MACROD2: variants seen among roughly 807,000 people sequenced by gnomAD.
The protein encoded by MACROD2 is mono-ADP ribosylhydrolase 2.
A neutral mutation model predicts 70.4 loss-of-function variants in MACROD2; 36 were observed. The ratio of observed to expected loss-of-function variants is 0.51; its 90% confidence interval spans 0.39 to 0.68. The LOEUF is 0.68. Among genes scored for constraint, MACROD2 ranks in the 30% least tolerant of loss-of-function variants. MACROD2 has a pLI of 0.00. For missense variants in MACROD2, 496 were observed against 538.4 expected (o/e 0.92, Z 0.78); for synonymous variants, 172 against 178.8 (o/e 0.96, Z 0.30).
chr20:15,135,974 G>C (rs2123290575), intron 5 of MACROD2, among the ~76,000 whole-genome samples: 1 of 149,068 alleles, frequency 6.7e-6, no homozygotes, highest in East Asian at 2.0e-4. Flanking sequence ...GCTTCAAAGA[G>C]AATAACATAC....
At chr20:15,944,468 A>C (rs2065793853) in intron 12 of MACROD2, among the ~76,000 whole-genome samples, 2 of 152,108 alleles carry the variant, frequency 1.3e-5, no homozygotes, top group Non-Finnish European at 2.9e-5. Flanking sequence ...TCTTTCAAAT[A>C]TAACAGTACA....
At chr20:15,453,344 C>A (rs1205702648) in intron 7 of MACROD2, among the ~76,000 whole-genome samples, 3 of 152,094 alleles carry the variant, frequency 2.0e-5, no homozygotes, top group African/African-American at 7.2e-5. Flanking sequence ...CCTCCCTCCC[C>A]CTCCAACCTC....
chr20:15,716,306 T>C (rs2050706650), intron 8 of MACROD2, among the ~76,000 whole-genome samples: 1 of 152,220 alleles, frequency 6.6e-6, no homozygotes, highest in Non-Finnish European at 1.5e-5. Flanking sequence ...TTTTATTCTG[T>C]AGTAAATGTC....
At chr20:14,539,701 T>C (rs1428759321) in intron 4 of MACROD2, among the ~76,000 whole-genome samples, 40 of 152,242 alleles carry the variant, frequency 2.6e-4, no homozygotes, top group Admixed American at 2.6e-3. Context: ...ATAAATCCTC[T>C]ATTTTTGATA....
intron 6 of MACROD2, among the ~76,000 whole-genome samples, chr20:15,389,575 A>G (rs2045765023): frequency 6.6e-6 from 1 of 152,238 alleles, no homozygotes; most frequent in Non-Finnish European, 1.5e-5. Context: ...AAATATGTTA[A>G]TATTTTTAAT....
intron 8 of MACROD2, among the ~76,000 whole-genome samples, chr20:15,519,113 TCC>T (rs1237482840): frequency 1.0e-4 from 15 of 143,778 alleles, no homozygotes; most frequent in African/African-American, 2.3e-4. Flanking sequence ...CTTCCTTCCT[TCC>T]TTCCTTTCTT....
intron 5 of MACROD2, among the ~76,000 whole-genome samples, chr20:15,195,259 C>G (rs1447463594): frequency 6.6e-6 from 1 of 152,154 alleles, no homozygotes; most frequent in African/African-American, 2.4e-5. Flanking sequence ...TAAAGAGCTT[C>G]TGCACAGCAA....
intron 6 of MACROD2, among the ~76,000 whole-genome samples, chr20:15,425,762 C>T (rs948395713): frequency 1.3e-5 from 2 of 152,188 alleles, no homozygotes; most frequent in African/African-American, 2.4e-5. Flanking sequence ...TCTACCCAGA[C>T]TGCAAGACTG....
chr20:15,352,293 TA>T (rs2078236245), intron 6 of MACROD2, among the ~76,000 whole-genome samples: 1 of 152,176 alleles, frequency 6.6e-6, no homozygotes, highest in African/African-American at 2.4e-5. Context: ...ACCCTGTACC[TA>T]AGCATAAGTG....
At chr20:15,821,133 A>T (rs1197994231) in intron 8 of MACROD2, among the ~76,000 whole-genome samples, 2 of 152,154 alleles carry the variant, frequency 1.3e-5, no homozygotes, top group African/African-American at 4.8e-5. Context: ...AATTTTAATA[A>T]AATTCAGTTC....
intron 3 of MACROD2, among the ~76,000 whole-genome samples, chr20:14,448,847 T>C (rs953544737): frequency 1.3e-5 from 2 of 152,158 alleles, no homozygotes; most frequent in Non-Finnish European, 2.9e-5. Flanking sequence ...ATATCACTAA[T>C]TTTTAATTCA....
Position 14,998,643 on chromosome 20 carries a change from CA to C in MACROD2, c.419-231294del, listed in dbSNP as rs542596305. 1.8e-3 allele frequency among the ~76,000 whole-genome samples: 278 copies of C among 152,172 alleles called. 1 individual carries two copies. Among genetic ancestry groups the C allele is most frequent in the African/African-American group, 6.6e-3 (272 of 41,526 alleles). On this transcript the variant is annotated intron_variant, in intron 5 of 17. Transcript: ENST00000684519. ...ACCTATAGGATCGAGAAAATAGTTT[CA>C]AATGGGAAAATCTAAGAGTTATTGG...
chr20:15,590,569 G>C (rs1294549470), intron 8 of MACROD2, among the ~76,000 whole-genome samples: 3 of 152,176 alleles, frequency 2.0e-5, no homozygotes, highest in Non-Finnish European at 4.4e-5. Flanking sequence ...TAGCAACTTA[G>C]ATCATAGAAT....
At chr20:15,387,156 T>G (rs2045724786) in intron 6 of MACROD2, among the ~76,000 whole-genome samples, 1 of 152,184 alleles carries the variant, frequency 6.6e-6, no homozygotes, top group African/African-American at 2.4e-5. Flanking sequence ...AGGAAAGACC[T>G]AGAATGCAGG....
At position 14,965,797 on chromosome 20, in the gene MACROD2, G is replaced by C. The variant is rs550923486; in HGVS notation, c.419-264143G>C. ...TATATATTTTTATAACTTCATCATA[G>C]AGGTGATAAATTTTATCCAGTATAA... On this transcript the variant is annotated intron_variant, in intron 5 of 17. Coordinates refer to ENST00000684519, the MANE Select transcript of MACROD2 (RefSeq NM_001351661.2). 4.6e-5 allele frequency among the ~76,000 whole-genome samples: 7 copies of C among 152,064 alleles called. No individual in the cohort carries two copies. In the East Asian group the frequency reaches 1.4e-3, roughly 29 times the overall value.
At chr20:15,160,033 AG>A (rs2076336887) in intron 5 of MACROD2, among the ~76,000 whole-genome samples, 1 of 152,098 alleles carries the variant, frequency 6.6e-6, no homozygotes, top group African/African-American at 2.4e-5. Flanking sequence ...TGACAGGTGC[AG>A]GTAAGAGTTA....
chr20:15,499,502 T>C (rs974659826), intron 7 of MACROD2, among the ~76,000 whole-genome samples: 8 of 152,200 alleles, frequency 5.3e-5, no homozygotes, highest in Non-Finnish European at 1.0e-4. Context: ...TGTAAATATG[T>C]TTTTAATTGA....
intron 6 of MACROD2, among the ~76,000 whole-genome samples, chr20:15,240,878 C>G (rs1241156127): frequency 6.6e-6 from 1 of 152,206 alleles, no homozygotes; most frequent in African/African-American, 2.4e-5. Context: ...TTCTGAAAGA[C>G]AGGAAGAGAG....
At chr20:14,453,961 A>G (rs62204403) in intron 3 of MACROD2, among the ~76,000 whole-genome samples, 2 of 151,702 alleles carry the variant, frequency 1.3e-5, no homozygotes, top group African/African-American at 4.8e-5. Flanking sequence ...CCCCTATTAC[A>G]TTATGTTTTA....
Sources: gnomAD v4.1 joint callset for allele counts (sites outside exome capture counted in the v4.1 genomes callset) on GRCh38, gnomAD v4.1.1 for gene constraint, MANE v1.5 for transcripts, NCBI Gene and HGNC (gene_info 2026-07-23, HGNC 2026-07-21) for gene names.